Variants in SLK observed in about 807,000 individuals in gnomAD.
SLK encodes the protein STE20 like kinase.
In SLK, 67 loss-of-function variants were observed where a neutral mutation model predicts 147.7. The observed-to-expected ratio is 0.45, with a 90% CI of 0.37 to 0.56. SLK has a LOEUF of 0.56. Ranked by LOEUF, SLK falls within the 20% of genes least tolerant of loss-of-function variation. The pLI is 0.00. For synonymous variants in SLK, 441 were observed against 475.0 expected (o/e 0.93, Z 0.93); for missense variants, 1,136 against 1,438.8 (o/e 0.79, Z 3.41).
chr10:103,972,686 A>AAT (rs34542816), intron 1 of SLK, among the ~76,000 whole-genome samples: 1 of 150,592 alleles, frequency 6.6e-6, no homozygotes, highest in African/African-American at 2.5e-5. Flanking sequence ...AAAAAAAAAA[A>AAT]TTTCCTTGCT....
chr10:103,999,998 A>G, intron 7 of SLK, 50 bp downstream of exon 7: 1 of 743,098 alleles, frequency 1.3e-6, no homozygotes, highest in Non-Finnish European at 2.1e-6. Flanking sequence ...AACATCTAAG[A>G]ATGTAATTTC....
At chr10:103,997,498 C>G (rs1844190361) in intron 4 of SLK, among the ~76,000 whole-genome samples, 1 of 152,058 alleles carries the variant, frequency 6.6e-6, no homozygotes, top group Non-Finnish European at 1.5e-5. Flanking sequence ...GAGGGACCAC[C>G]ATGCTGTTCT....
In SLK at chr10:104,027,400, T is replaced by C. The variant is rs1431977170; in HGVS notation, c.*1680T>C. 1 of 152,526 alleles carries C rather than the reference T, an allele frequency of 6.6e-6. No individual in the cohort carries two copies. Among genetic ancestry groups the C allele is most frequent in the African/African-American group, 2.4e-5 (1 of 41,432 alleles). 9.4% of individuals were successfully genotyped at this position (152,526 alleles called of 1,614,324 possible). A position where few individuals can be genotyped will look rare whatever the true frequency, so the allele number is the denominator to read the frequency against. On this transcript the variant is annotated 3_prime_UTR_variant, in exon 19 of 19. Coordinates refer to ENST00000369755, the MANE Select transcript of SLK (RefSeq NM_014720.4). ...ATACATATATACATATTATGTATGGTTGTAAATTCATACACTTATCACATG... is the reference window on the plus strand; with the variant it reads ...ATACATATATACATATTATGTATGGCTGTAAATTCATACACTTATCACATG...
At position 103,986,273 on chromosome 10, in the gene SLK, T is replaced by C. The variant is rs577425515; in HGVS notation, c.151-4402T>C. Among the ~76,000 whole-genome samples, 5 of 152,266 alleles carry C rather than the reference T, an allele frequency of 3.3e-5. No individual in the cohort carries two copies. The South Asian group carries it at 6.2e-4, about 19-fold the overall frequency. The stretch of plus-strand genomic sequence containing the variant: ...TACACAACTCACCATAATATAGAAT[T>C]AGTGGGAGCTCTGAGCTTGTTTTCC... On this transcript the variant is annotated intron_variant, in intron 1 of 18. Coordinates refer to ENST00000369755, the MANE Select transcript of SLK (RefSeq NM_014720.4).
In SLK at chr10:104,019,941, C is replaced by T. The variant is rs774789172; in HGVS notation, c.3321+19C>T. 6 of 1,585,144 alleles carry T rather than the reference C, an allele frequency of 3.8e-6. No homozygotes were observed. The highest frequency in any genetic ancestry group is 2.2e-5 in the East Asian group (1 of 44,568). On this transcript the variant is annotated intron_variant, in intron 16 of 18. Transcript: ENST00000369755. ...TAAACAGGTAAATATGCAAGTTAGT[C>T]TCTTCTCTTTTAGGTTTAAAATTTT...
intron 16 of SLK, among the ~76,000 whole-genome samples, chr10:104,020,146 C>T (rs1844516210): frequency 6.6e-6 from 1 of 152,210 alleles, no homozygotes; most frequent in South Asian, 2.1e-4. Context: ...ATACCCCATA[C>T]CAGCTCCTGA....
At chr10:104,010,742 C>G in intron 12 of SLK, 74 bp from the exon 13 acceptor site, 1 of 897,338 alleles carries the variant, frequency 1.1e-6, no homozygotes, top group East Asian at 2.8e-5. Context: ...TGACTTGTAG[C>G]TTATCTGCTC....
intron 18 of SLK, among the ~76,000 whole-genome samples, chr10:104,023,007 A>G (rs1158268396): frequency 6.6e-6 from 1 of 152,256 alleles, no homozygotes; most frequent in Admixed American, 6.5e-5. Flanking sequence ...AGAATTGTAA[A>G]CGGTGTAAAA....
intron 1 of SLK, 81 bp downstream of exon 1, chr10:103,967,976 C>G (rs1441988783): frequency 7.1e-7 from 1 of 1,414,290 alleles, no homozygotes; most frequent in Non-Finnish European, 9.9e-7. Context: ...TTCTGCTCCC[C>G]TGGTCCTTAT....
intron 12 of SLK, among the ~76,000 whole-genome samples, chr10:104,008,818 A>C (rs926931397): frequency 6.6e-6 from 1 of 152,140 alleles, no homozygotes; most frequent in Admixed American, 6.5e-5. Context: ...TTTCATCTTT[A>C]ATTCATACTT....
At chr10:104,014,405 T>G (rs184531463) in intron 13 of SLK, among the ~76,000 whole-genome samples, 1 of 152,322 alleles carries the variant, frequency 6.6e-6, no homozygotes, top group Admixed American at 6.5e-5. Context: ...CATTTAACAC[T>G]GTAATTTTTG....
chr10:104,011,153 A>G (rs959034756), intron 13 of SLK, among the ~76,000 whole-genome samples: 1 of 152,244 alleles, frequency 6.6e-6, no homozygotes, highest in Non-Finnish European at 1.5e-5. Flanking sequence ...AAACAAGTAT[A>G]TGAATGTATA....
chr10:103,992,141 G>GTTTTTTTTTTTTTTTTTTT lies in SLK; in HGVS notation c.316-439_316-438insTTTTTTTTTTTTTTTTTTT, dbSNP rs56381345. ...TGAAGCTTTTGTGGGTATTTCTTCT[G>GTTTTTTTTTTTTTTTTTTT]TTTTTTTTTTTTTTTTTTCTAAAAG... is the stretch of plus-strand genomic sequence containing the variant. On this transcript the variant is annotated intron_variant, in intron 2 of 18. Coordinates refer to ENST00000369755, the MANE Select transcript of SLK (RefSeq NM_014720.4). Among the ~76,000 whole-genome samples, 20 of 91,796 alleles carry GTTTTTTTTTTTTTTTTTTT rather than the reference G, an allele frequency of 2.2e-4. 2 individuals carry two copies. The highest frequency in any genetic ancestry group is 4.0e-4 in the South Asian group (1 of 2,520). 60.2% of individuals were successfully genotyped at this position (91,796 alleles called of 152,430 possible).
chr10:104,023,955 C>T (rs1335874504), intron 18 of SLK, among the ~76,000 whole-genome samples: 1 of 152,142 alleles, frequency 6.6e-6, no homozygotes, highest in Non-Finnish European at 1.5e-5. Context: ...GCATCCTTTT[C>T]CTTCATCTCC....
chr10:103,992,692 G>A (rs1844114418), intron 3 of SLK, 46 bp downstream of exon 3: 2 of 1,506,646 alleles, frequency 1.3e-6, no homozygotes, highest in Admixed American at 2.0e-5. Context: ...AATTATACTT[G>A]ATAAGATGAA....
chr10:103,987,318 T>C (rs1844030592), intron 1 of SLK, among the ~76,000 whole-genome samples: 1 of 152,196 alleles, frequency 6.6e-6, no homozygotes, highest in Non-Finnish European at 1.5e-5. Flanking sequence ...GCCAGCCCAT[T>C]CACAAGTATA....
chr10:103,970,153 AGGGCTCAGTAAAT>A (rs1403888199), intron 1 of SLK, among the ~76,000 whole-genome samples: 2 of 152,252 alleles, frequency 1.3e-5, no homozygotes, highest in Admixed American at 6.5e-5. Context: ...GCACATGGAA[AGGGCTCAGTAAAT>A]GGTAGAAATT....
intron 1 of SLK, among the ~76,000 whole-genome samples, chr10:103,979,777 A>G (rs1423694231): frequency 6.6e-6 from 1 of 152,174 alleles, no homozygotes; most frequent in Non-Finnish European, 1.5e-5. Flanking sequence ...TCCGTTATAT[A>G]TGAGGCACAT....
At chr10:103,971,242 G>C (rs908807697) in intron 1 of SLK, among the ~76,000 whole-genome samples, 1 of 124,886 alleles carries the variant, frequency 8.0e-6, no homozygotes, top group Non-Finnish European at 1.7e-5. Context: ...TTTTATCTTT[G>C]GGTTTCTCTT....
Sources: gnomAD v4.1 joint callset for allele counts (sites outside exome capture counted in the v4.1 genomes callset) on GRCh38, gnomAD v4.1.1 for gene constraint, MANE v1.5 for transcripts, NCBI Gene and HGNC (gene_info 2026-07-23, HGNC 2026-07-21) for gene names.